The following GNA13 variants were observed in gnomAD, a reference collection of about 807,000 sequenced individuals.
GNA13 encodes the protein guanine nucleotide-binding protein subunit alpha-13.
A neutral mutation model predicts 33.5 loss-of-function variants in GNA13; 4 were observed. That is an observed-to-expected ratio of 0.12 (90% CI 0.06 to 0.27). The LOEUF is 0.27. Among genes scored for constraint, GNA13 ranks in the 10% least tolerant of loss-of-function variants. The pLI is 1.00. For missense variants in GNA13, 319 were observed against 487.2 expected (o/e 0.65, Z 3.25); for synonymous variants, 176 against 183.8 (o/e 0.96, Z 0.34).
At position 65,014,782 on chromosome 17, in the gene GNA13, G is replaced by C; in HGVS notation, c.609C>G (p.Thr203=). 6.2e-7 allele frequency: 1 copy of C among 1,613,684 alleles called. No individual in the cohort carries two copies. The highest frequency in any genetic ancestry group is 1.1e-5 in the South Asian group (1 of 91,066). Residue 203 remains threonine, a synonymous_variant, in exon 4 of 4, where the codon ACC becomes ACG. Coordinates refer to ENST00000439174, the MANE Select transcript of GNA13 (RefSeq NM_006572.6). The surrounding 1 kb of genome is among the most constrained non-coding windows in gnomAD (Gnocchi z 5.3). ...QQDILLARRP[T]KGIHEYDFEI... ...CAAAGTCGTATTCATGGATGCCTTT[G>C]GTGGGTCTTCTGGCAAGCAGAATAT...
In GNA13 at chr17:65,022,533, G is replaced by A. The variant is rs147926488; in HGVS notation, c.511-4230C>T. 5.5e-3 allele frequency among the ~76,000 whole-genome samples: 830 copies of A among 152,224 alleles called. 12 individuals are homozygous for A. The highest frequency in any genetic ancestry group is 0.019 in the African/African-American group (788 of 41,540). ...TCCATGGTAAAGCATTATTTATTAT[G>A]CAATGACACTATAGCTATGCTAGAA... On this transcript the variant is annotated intron_variant, in intron 2 of 3. Transcript: ENST00000439174.
intron 2 of GNA13, among the ~76,000 whole-genome samples, chr17:65,023,330 C>T (rs1163470257): frequency 6.6e-6 from 1 of 152,214 alleles, no homozygotes; most frequent in Non-Finnish European, 1.5e-5. Flanking sequence ...GTGAACCTGA[C>T]CATCAGCAGG....
chr17:65,051,321 A>C (rs1907849859), intron 2 of GNA13, among the ~76,000 whole-genome samples: 1 of 152,222 alleles, frequency 6.6e-6, no homozygotes, highest in Non-Finnish European at 1.5e-5. Context: ...GCACTTAAAA[A>C]CAGGAGGTAG....
intron 2 of GNA13, among the ~76,000 whole-genome samples, chr17:65,019,263 ATTTTTTG>A (rs1353906344): frequency 2.0e-5 from 3 of 152,078 alleles, no homozygotes; most frequent in Non-Finnish European, 4.4e-5. Context: ...CAGTTCTATA[ATTTTTTG>A]GTCTCAAGAT....
chr17:65,056,351 G>T lies in GNA13; in HGVS notation c.243C>A (p.Arg81=). The T allele has an allele frequency of 6.3e-7, 1 of 1,599,956 alleles. No individual in the cohort carries two copies. Residue 81 remains arginine (R), a synonymous_variant, in exon 1 of 4, where the codon CGC becomes CGA. Coordinates refer to ENST00000439174, the MANE Select transcript of GNA13 (RefSeq NM_006572.6). ...IHGQDFDQRA[R]EEFRPTIYSN... ...TGTAGATGGTGGGGCGGAACTCCTC[G>T]CGCGCGCGCTGGTCGAAGTCCTGCC...
intron 2 of GNA13, among the ~76,000 whole-genome samples, chr17:65,025,275 G>A (rs771821244): frequency 4.6e-5 from 7 of 152,058 alleles, no homozygotes; most frequent in Non-Finnish European, 8.8e-5. Flanking sequence ...GCCTTCTTTT[G>A]GGATATCTGA....
intron 2 of GNA13, among the ~76,000 whole-genome samples, chr17:65,028,319 G>A (rs540128396): frequency 6.7e-6 from 1 of 149,904 alleles, no homozygotes; most frequent in Non-Finnish European, 1.5e-5. Context: ...TGAGGCAGGA[G>A]AACTGCTTGA....
chr17:65,037,253 A>C (rs556872372), intron 2 of GNA13, among the ~76,000 whole-genome samples: 1 of 152,244 alleles, frequency 6.6e-6, no homozygotes. Flanking sequence ...AACTTTAAAA[A>C]GGTCAGAAAA....
intron 2 of GNA13, among the ~76,000 whole-genome samples, chr17:65,031,882 GAGAGAGAGAGAGAA>G (rs1199672029): frequency 7.8e-6 from 1 of 128,572 alleles, no homozygotes; most frequent in East Asian, 2.2e-4. Flanking sequence ...GAGAGAGAGA[GAGAGAGAGAGAGAA>G]AGAGAGAGAG....
chr17:65,027,843 G>A (rs1029696193), intron 2 of GNA13, among the ~76,000 whole-genome samples: 4 of 152,154 alleles, frequency 2.6e-5, no homozygotes, highest in African/African-American at 9.7e-5. Flanking sequence ...GGTGGCTCAT[G>A]CCTGTAATCC....
chr17:65,040,727 G>A lies in GNA13; in HGVS notation c.510+12775C>T, dbSNP rs191027857. Among the ~76,000 whole-genome samples, 16 of 152,204 alleles carry A rather than the reference G, an allele frequency of 1.1e-4. No homozygotes were observed. In the East Asian group the frequency reaches 3.1e-3, roughly 29 times the overall value. ...AGGATGGTCTCGCTTTCCTGACCTT[G>A]TGATCTGCCTGCCTTGGACTCCCAA... On this transcript the variant is annotated intron_variant, in intron 2 of 3. Transcript: ENST00000439174.
At chr17:65,023,658 T>C (rs1906670111) in intron 2 of GNA13, among the ~76,000 whole-genome samples, 1 of 152,254 alleles carries the variant, frequency 6.6e-6, no homozygotes, top group Non-Finnish European at 1.5e-5. Flanking sequence ...AACTGCTTTA[T>C]ATACTTTCTT....
At chr17:65,050,230 C>T (rs902125460) in intron 2 of GNA13, among the ~76,000 whole-genome samples, 2 of 152,116 alleles carry the variant, frequency 1.3e-5, no homozygotes, top group Non-Finnish European at 2.9e-5. Flanking sequence ...ATGCAAGAGA[C>T]GTTACAGAGG....
chr17:65,014,423 T>C lies in GNA13; in HGVS notation c.968A>G (p.Gln323Arg). The C allele has an allele frequency of 6.2e-7, 1 of 1,614,224 alleles. No homozygotes were observed. Among genetic ancestry groups the C allele is most frequent in the Non-Finnish European group, 8.5e-7 (1 of 1,180,050 alleles). Residue 323 changes from glutamine to arginine, a missense_variant, in exon 4 of 4, where the codon CAA (glutamine) becomes CGA (arginine). Physicochemically the swap from Gln to Arg is conservative, Grantham distance 43 (BLOSUM62 1). Coordinates refer to ENST00000439174, the MANE Select transcript of GNA13 (RefSeq NM_006572.6). The surrounding 1 kb of genome is among the most constrained non-coding windows in gnomAD (Gnocchi z 5.3). ...CCGGAAACATTCCACCAGGAATTTT[T>C]GGACGTCTCTTAAGCAGTGGGGATC... is the stretch of plus-strand genomic sequence containing the variant. ...EGDPHCLRDV[Q>R]KFLVECFRNK...
rs988017096 is a variant in GNA13 at position 65,014,900 on chromosome 17, T to C, written c.562-71A>G. 1.2e-6 allele frequency: 1 copy of C among 810,412 alleles called. No homozygotes were observed. The highest frequency in any genetic ancestry group is 2.0e-6 in the Non-Finnish European group (1 of 494,016). The allele number at this position is 810,412 out of a possible 1,614,324, so 50.2% of individuals were successfully genotyped here. The stretch of plus-strand genomic sequence containing the variant: ...TGCGAATTTTTAATGGACTACTAAC[T>C]GGACTAGTGAATAGATATGCAAACA... On this transcript the variant is annotated intron_variant, in intron 3 of 3. Coordinates refer to ENST00000439174, the MANE Select transcript of GNA13 (RefSeq NM_006572.6). The surrounding 1 kb of genome is among the most constrained non-coding windows in gnomAD (Gnocchi z 5.3).
At position 65,009,697 on chromosome 17, in the gene GNA13, G is replaced by C. The variant is rs567918554; in HGVS notation, c.*4560C>G. On this transcript the variant is annotated 3_prime_UTR_variant, in exon 4 of 4. Transcript: ENST00000439174. Reference sequence around the variant, plus strand: ...TGGTAAATGAGCTCTCACCAGAGTAGAGTAGTTTAGAAAAGCCATTTCAAA... The same window carrying C: ...TGGTAAATGAGCTCTCACCAGAGTACAGTAGTTTAGAAAAGCCATTTCAAA... 1.3e-5 allele frequency among the ~76,000 whole-genome samples: 2 copies of C among 152,302 alleles called. No individual in the cohort carries two copies. The highest frequency in any genetic ancestry group is 2.1e-4 in the South Asian group (1 of 4,830).
At chr17:65,027,168 T>C (rs1301549767) in intron 2 of GNA13, among the ~76,000 whole-genome samples, 1 of 152,224 alleles carries the variant, frequency 6.6e-6, no homozygotes, top group Non-Finnish European at 1.5e-5. Context: ...GACTTCCTAA[T>C]AATTTTTCTA....
Position 65,053,490 on chromosome 17 carries a change from C to G in GNA13, c.510+12G>C, listed in dbSNP as rs778927567. 1.2e-5 allele frequency: 18 copies of G among 1,507,340 alleles called. No homozygotes were observed. In the South Asian group the frequency reaches 1.9e-4, roughly 16 times the overall value. 93.4% of individuals were successfully genotyped at this position (1,507,340 alleles called of 1,614,324 possible). ...AATAAAACCACACGTTTTAAAAGAG[C>G]AAATCTCTTACCAGTTGAAATTCTC... On this transcript the variant is annotated intron_variant, in intron 2 of 3. Coordinates refer to ENST00000439174, the MANE Select transcript of GNA13 (RefSeq NM_006572.6).
intron 3 of GNA13, among the ~76,000 whole-genome samples, chr17:65,015,361 C>T (rs565972592): frequency 6.6e-6 from 1 of 152,008 alleles, no homozygotes; most frequent in South Asian, 2.1e-4. Flanking sequence ...GCTCCTTGCT[C>T]CTCTATTAAA....
Sources: allele counts gnomAD v4.1 joint callset (sites outside exome capture counted in the v4.1 genomes callset), GRCh38; gene constraint gnomAD v4.1.1; non-coding constraint Gnocchi (gnomAD v3.1); transcripts MANE v1.5; gene names NCBI Gene and HGNC (gene_info 2026-07-23, HGNC 2026-07-21).